PSMD11: variants seen among roughly 807,000 people sequenced by gnomAD.
PSMD11 encodes the protein proteasome 26S subunit, non-ATPase 11.
PSMD11 carries 5 observed loss-of-function variants against 62.3 expected under a neutral mutation model. The observed-to-expected ratio is 0.08, with a 90% CI of 0.04 to 0.17. PSMD11 has a LOEUF of 0.17. PSMD11 is among the 10% of genes least tolerant of loss of function. PSMD11 has a pLI of 1.00. For missense variants in PSMD11, 310 were observed against 512.9 expected (o/e 0.60, Z 3.82); for synonymous variants, 191 against 191.8 (o/e 1.00, Z 0.03).
intron 2 of PSMD11, among the ~76,000 whole-genome samples, chr17:32,450,379 C>T (rs1907454944): frequency 6.6e-6 from 1 of 151,856 alleles, no homozygotes. Flanking sequence ...CTCAGCCTCC[C>T]CAAGTAGCTG....
chr17:32,456,485 G>C (rs544896484), intron 3 of PSMD11, among the ~76,000 whole-genome samples: 3 of 152,090 alleles, frequency 2.0e-5, no homozygotes, highest in South Asian at 4.1e-4. Flanking sequence ...GGATTCTCCT[G>C]CCTCAGCCTT....
intron 1 of PSMD11, 115 bp from the exon 2 acceptor site, chr17:32,446,819 TTAACTCTAGAA>T: frequency 4.1e-6 from 2 of 491,798 alleles, no homozygotes; most frequent in Non-Finnish European, 7.0e-6. Flanking sequence ...TTTTTTTTTT[TTAACTCTAGAA>T]TTTGTCTTTT....
intron 6 of PSMD11, among the ~76,000 whole-genome samples, chr17:32,472,628 C>T (rs1312534716): frequency 6.6e-6 from 1 of 151,784 alleles, no homozygotes. Flanking sequence ...ACCTCCACCT[C>T]CTGGGTTCAA....
chr17:32,467,606 A>T (rs1908035219), intron 5 of PSMD11, among the ~76,000 whole-genome samples: 1 of 151,760 alleles, frequency 6.6e-6, no homozygotes. Context: ...TTAATTGGTT[A>T]TTTGTGTTTT....
At chr17:32,469,236 CATCTT>C (rs750089174) in intron 6 of PSMD11, 43 bp downstream of exon 6, 21 of 1,569,632 alleles carry the variant, frequency 1.3e-5, no homozygotes, top group Non-Finnish European at 1.8e-5. Flanking sequence ...TCTTAAAGCT[CATCTT>C]ATTTTATAGG....
At chr17:32,477,690 A>T in intron 9 of PSMD11, 107 bp downstream of exon 9, 4 of 1,012,746 alleles carry the variant, frequency 3.9e-6, no homozygotes, top group Non-Finnish European at 5.9e-6. Context: ...GAAGTTGCAA[A>T]TGATTCCATG....
At position 32,479,310 on chromosome 17, in the gene PSMD11, C is replaced by T. The variant is rs911141525; in HGVS notation, c.972C>T (p.Ala324=). 2.5e-6 allele frequency: 4 copies of T among 1,614,060 alleles called. No individual in the cohort carries two copies. The highest frequency in any genetic ancestry group is 3.4e-6 in the Non-Finnish European group (4 of 1,180,026). The change falls in exon 10 of 14, where the codon GCC becomes GCT. Residue 324 remains alanine, a synonymous_variant. Coordinates refer to ENST00000261712, the MANE Select transcript of PSMD11 (RefSeq NM_002815.4). Reference sequence around the variant, plus strand: ...ACCCAATCATCAGCACACACTTGGCCAAGTTGTATGATAACTTACTAGAAC... The same window carrying T: ...ACCCAATCATCAGCACACACTTGGCTAAGTTGTATGATAACTTACTAGAAC... ...RDDPIISTHL[A]KLYDNLLEQN...
At chr17:32,453,646 T>A (rs1352965000) in intron 2 of PSMD11, among the ~76,000 whole-genome samples, 4 of 152,170 alleles carry the variant, frequency 2.6e-5, no homozygotes, top group Non-Finnish European at 5.9e-5. Context: ...AATTGGAGAA[T>A]ATTAAAGAGG....
At chr17:32,455,602 T>C (rs1002162640) in intron 3 of PSMD11, among the ~76,000 whole-genome samples, 6 of 152,220 alleles carry the variant, frequency 3.9e-5, no homozygotes, top group Non-Finnish European at 8.8e-5. Context: ...TTTGGAATCA[T>C]ACCTTTTGTA....
At position 32,480,469 on chromosome 17, in the gene PSMD11, T is replaced by G. The variant is rs1908455808; in HGVS notation, c.1127-20T>G. On this transcript the variant is annotated intron_variant, in intron 12 of 13. Transcript: ENST00000261712. ...GTCTAACCTCATCTTTTACCTGGGT[T>G]GCCCTTGTGTTTCTTGCAGGGATTT... 2 of 1,614,004 alleles carry G rather than the reference T, an allele frequency of 1.2e-6. No individual in the cohort carries two copies. The highest frequency in any genetic ancestry group is 1.7e-6 in the Non-Finnish European group (2 of 1,179,978).
intron 3 of PSMD11, among the ~76,000 whole-genome samples, chr17:32,457,126 C>T (rs1018096332): frequency 6.6e-6 from 1 of 152,208 alleles, no homozygotes; most frequent in African/African-American, 2.4e-5. Flanking sequence ...GTTCATTGCA[C>T]ATTACATTTA....
intron 2 of PSMD11, among the ~76,000 whole-genome samples, chr17:32,453,906 G>A (rs1907574960): frequency 6.6e-6 from 1 of 152,152 alleles, no homozygotes. Context: ...AGATATAGCA[G>A]CACTTTAAGG....
Position 32,473,649 on chromosome 17 carries a change from A to C in PSMD11, c.644-152A>C, listed in dbSNP as rs990815996. The C allele has an allele frequency of 1.6e-5, 11 of 685,748 alleles. No individual in the cohort carries two copies. The Admixed American group carries it at 2.3e-4, about 14-fold the overall frequency. The allele number at this position is 685,748 out of a possible 1,614,324, so 42.5% of individuals were successfully genotyped here. On this transcript the variant is annotated intron_variant, in intron 6 of 13. Coordinates refer to ENST00000261712, the MANE Select transcript of PSMD11 (RefSeq NM_002815.4). ...AGGCTTGTCTCGAACTCCTGGGCTCACATGATCCTCCCATCTCAGCCTCCC... is the reference window on the plus strand; with the variant it reads ...AGGCTTGTCTCGAACTCCTGGGCTCCCATGATCCTCCCATCTCAGCCTCCC...
rs1908465101 is a variant in PSMD11, at chr17:32,480,781, G to C, written c.*29G>C. On this transcript the variant is annotated 3_prime_UTR_variant, in exon 14 of 14. Coordinates refer to ENST00000261712, the MANE Select transcript of PSMD11 (RefSeq NM_002815.4). ...TGGATCTGTAGCGGTCCTTTGGAGAGTGTGTGTGGCGGGAGAGTGAAACCT... is the reference window on the plus strand; with the variant it reads ...TGGATCTGTAGCGGTCCTTTGGAGACTGTGTGTGGCGGGAGAGTGAAACCT... 3 of 852,818 alleles carry C rather than the reference G, an allele frequency of 3.5e-6. No homozygotes were observed. Among genetic ancestry groups the C allele is most frequent in the Middle Eastern group, 3.3e-4 (1 of 3,016 alleles). 52.8% of individuals were successfully genotyped at this position (852,818 alleles called of 1,614,324 possible).
chr17:32,472,519 C>T (rs1270396751), intron 6 of PSMD11, among the ~76,000 whole-genome samples: 5 of 149,402 alleles, frequency 3.3e-5, no homozygotes, highest in Non-Finnish European at 5.9e-5. Flanking sequence ...AGTTTACAGA[C>T]GTGAGCCACT....
intron 6 of PSMD11, 25 bp from the exon 7 acceptor site, chr17:32,473,775 CT>C: frequency 6.2e-7 from 1 of 1,610,666 alleles, no homozygotes; most frequent in Non-Finnish European, 8.5e-7. Context: ...TTTATATGTT[CT>C]TATTCCTTTC....
chr17:32,475,599 T>G (rs1205775301), intron 8 of PSMD11, among the ~76,000 whole-genome samples: 2 of 151,506 alleles, frequency 1.3e-5, no homozygotes, highest in African/African-American at 4.9e-5. Context: ...TGGCCCTAAT[T>G]GGCTTTTTTT....
chr17:32,459,124 A>G (rs1183064965), intron 3 of PSMD11, among the ~76,000 whole-genome samples: 18 of 142,004 alleles, frequency 1.3e-4, no homozygotes, highest in African/African-American at 4.7e-4. Context: ...ACATATATAT[A>G]TATATATATA....
intron 9 of PSMD11, among the ~76,000 whole-genome samples, chr17:32,478,777 T>G (rs12162135): frequency 0.46 from 69,187 of 151,894 alleles, 16,535 homozygotes; most frequent in South Asian, 0.56. Flanking sequence ...GAGAAATGCT[T>G]GTGTAGCTAA....
Sources: allele counts gnomAD v4.1 joint callset (sites outside exome capture counted in the v4.1 genomes callset), GRCh38; gene constraint gnomAD v4.1.1; transcripts MANE v1.5; gene names NCBI Gene and HGNC (gene_info 2026-07-23, HGNC 2026-07-21).